DST: variants seen among roughly 807,000 people sequenced by gnomAD.
The protein encoded by DST is bullous pemphigoid antigen.
Under a neutral mutation model 875.2 loss-of-function variants are expected in DST, and 253 were observed. That is an observed-to-expected ratio of 0.29 (90% confidence interval 0.26 to 0.32). The LOEUF is 0.32. Among genes scored for constraint, DST ranks in the 10% least tolerant of loss-of-function variants. The pLI, the probability that DST is intolerant of heterozygous loss-of-function variation, is 1.00. For missense variants in DST, 8,287 were observed against 9,111.6 expected, an observed-to-expected ratio of 0.91 and a Z score of 3.68; for synonymous variants, 3,124 against 3,197.1, an observed-to-expected ratio of 0.98 and a Z score of 0.77.
At chr6:56,661,333 G>T (rs192332198) in intron 10 of DST, among the ~76,000 whole-genome samples, 10 of 152,290 alleles carry the variant, frequency 6.6e-5, no homozygotes, top group Non-Finnish European at 1.3e-4. Context: ...CTCCTGTAAT[G>T]TAAAAGAAAT....
In DST at chr6:56,597,791, C is replaced by T. The variant is rs748580142; in HGVS notation, c.12144G>A (p.Gly4048=). 1 of 1,613,920 alleles carries T rather than the reference C, an allele frequency of 6.2e-7. No homozygotes were observed. The highest frequency in any genetic ancestry group is 8.5e-7 in the Non-Finnish European group (1 of 1,179,836). Reference sequence around the variant, plus strand: ...GATTCTCCTGAGTGGTTCCAACTTGCCCATCAACATCAGTCTCCAACAGGT... The same window carrying T: ...GATTCTCCTGAGTGGTTCCAACTTGTCCATCAACATCAGTCTCCAACAGGT... ...NGNLLETDVD[G]QVGTTQENLN... The change falls in exon 47 of 104, where the codon GGG becomes GGA. Residue 4048 remains glycine (G), a synonymous_variant. Transcript: ENST00000680361.
At chr6:56,581,579 G>A (rs1274364572) in intron 49 of DST, among the ~76,000 whole-genome samples, 6 of 152,184 alleles carry the variant, frequency 3.9e-5, no homozygotes, top group Admixed American at 2.6e-4. Flanking sequence ...CCATAGATAC[G>A]TCTTCCAGAA....
rs539003969 is a variant in DST, at chr6:56,613,700, T to C, written c.5058+656A>G. On this transcript the variant is annotated intron_variant, in intron 37 of 103. Coordinates refer to ENST00000680361, the MANE Select transcript of DST (RefSeq NM_001374736.1). The stretch of plus-strand genomic sequence containing the variant: ...AAAATGTACACCCCAACTACCAACA[T>C]CCTAAGAGCTTTAAGTGGTGCAGTC... Among the ~76,000 whole-genome samples, 4 of 152,272 alleles carry C rather than the reference T, an allele frequency of 2.6e-5. No individual in the cohort carries two copies. The South Asian group carries it at 8.3e-4, about 32-fold the overall frequency.
rs758298515 is a variant in DST, at chr6:56,634,824, T to C, written c.3316A>G (p.Ile1106Val). 1.9e-6 allele frequency: 3 copies of C among 1,614,098 alleles called. No homozygotes were observed. Among genetic ancestry groups the C allele is most frequent in the Non-Finnish European group, 2.5e-6 (3 of 1,179,996 alleles). ...ACCTCAATTTGTCTGTAGTCACAGA[T>C]AGCTTTGATCGGAATAGAAGTTTTG... ...PLKTSIPIKA[I>V]CDYRQIEITI... Residue 1106 changes from isoleucine (I) to valine (V), a missense_variant, in exon 25 of 104, where the codon ATC becomes GTC. Physicochemically the swap from Ile to Val is conservative, Grantham distance 29. Transcript: ENST00000680361.
chr6:56,627,485 T>G (rs962069680), intron 33 of DST, among the ~76,000 whole-genome samples, 198 bp from the exon 34 acceptor site: 1 of 152,148 alleles, frequency 6.6e-6, no homozygotes, highest in Admixed American at 6.6e-5. Flanking sequence ...CCCATGTGGT[T>G]TTCAAAGCAG....
chr6:56,642,332 T>G, intron 16 of DST, 78 bp downstream of exon 16: 2 of 1,076,602 alleles, frequency 1.9e-6, no homozygotes, highest in Non-Finnish European at 2.9e-6. Context: ...CAACCAAACA[T>G]TATGTAAAAG....
At chr6:56,537,367 C>A (rs951002468) in intron 61 of DST, among the ~76,000 whole-genome samples, 35 of 152,296 alleles carry the variant, frequency 2.3e-4, no homozygotes, top group African/African-American at 8.4e-4. Flanking sequence ...CTAATAGGCT[C>A]TCCTAAGAAT....
At chr6:56,498,441 C>A (rs1470434461) in intron 80 of DST, among the ~76,000 whole-genome samples, 1 of 152,070 alleles carries the variant, frequency 6.6e-6, no homozygotes, top group East Asian at 1.9e-4. Context: ...AATTTGCAAC[C>A]TTCCTGGATG....
intron 82 of DST, among the ~76,000 whole-genome samples, chr6:56,496,829 C>T (rs2095926614): frequency 6.6e-6 from 1 of 152,082 alleles, no homozygotes; most frequent in African/African-American, 2.4e-5. Context: ...GAATACTATG[C>T]AGCCATAAAA....
rs757130088 is a variant in DST at position 56,605,411 on chromosome 6, G to C, written c.9217C>G (p.Leu3073Val). ...EGLVEEENRH[L>V]KLLPGKNTRD... ...GTATTTTTACCAGGCAAAAGTTTGA[G>C]ATGCCTATTTTCTTCTTCTACTAGA... Residue 3073 changes from leucine to valine, a missense_variant, in exon 40 of 104, where the codon CTC becomes GTC. Coordinates refer to ENST00000680361, the MANE Select transcript of DST (RefSeq NM_001374736.1). 4.3e-6 allele frequency: 7 copies of C among 1,612,798 alleles called. No individual in the cohort carries two copies. In the East Asian group the frequency reaches 1.6e-4, roughly 36 times the overall value.
Position 56,640,564 on chromosome 6 carries a change from T to A in DST, c.2069A>T (p.Glu690Val). 1 of 1,614,226 alleles carries A rather than the reference T, an allele frequency of 6.2e-7. No individual in the cohort carries two copies. The highest frequency in any genetic ancestry group is 8.5e-7 in the Non-Finnish European group (1 of 1,180,032). The part of the protein sequence containing the change: ...LRDEIMALRN[E>V]CSSVYSKGRI... Reference sequence around the variant, plus strand: ...TCCTTTGCTGTACACAGAAGAACATTCGTTCCTTAAGGCCATAATTTCGTC... The same window carrying A: ...TCCTTTGCTGTACACAGAAGAACATACGTTCCTTAAGGCCATAATTTCGTC... The change falls in exon 18 of 104, where the codon GAA becomes GTA. Residue 690 changes from glutamate (E) to valine (V), a missense_variant. By Grantham distance (121) the Glu-to-Val change is moderately radical. Transcript: ENST00000680361.
chr6:56,720,864 T>C (rs963711714), intron 5 of DST, among the ~76,000 whole-genome samples: 2 of 151,928 alleles, frequency 1.3e-5, no homozygotes, highest in Non-Finnish European at 2.9e-5. Flanking sequence ...AATGAGCTGT[T>C]TGGTACACCT....
intron 49 of DST, among the ~76,000 whole-genome samples, chr6:56,580,170 A>G (rs985791665): frequency 6.6e-6 from 1 of 152,186 alleles, no homozygotes; most frequent in African/African-American, 2.4e-5. Context: ...TAAAAATTCC[A>G]TTCCTTGGTT....
At position 56,780,092 on chromosome 6, in the gene DST, A is replaced by G. The variant is rs142477055; in HGVS notation, c.626-44803T>C. ...ATGGCTGCATAGTATTCCATGGTGC[A>G]TATGTGCCACATATTCTGAATCCAG... On this transcript the variant is annotated intron_variant, in intron 4 of 103. Coordinates refer to ENST00000680361, the MANE Select transcript of DST (RefSeq NM_001374736.1). Among the ~76,000 whole-genome samples the G allele has an allele frequency of 1.1e-3, 165 of 152,018 alleles. 1 individual carries two copies. Among genetic ancestry groups the G allele is most frequent in the African/African-American group, 3.8e-3 (156 of 41,370 alleles).
Position 56,865,787 on chromosome 6 carries a change from G to A in DST, c.418-14183C>T, listed in dbSNP as rs116205429. The stretch of plus-strand genomic sequence containing the variant: ...TCTTTGATGGGATCTGATGGAGTCT[G>A]AAAATCTGCTACCAAAAACTGCTGC... On this transcript the variant is annotated intron_variant, in intron 3 of 103. Coordinates refer to ENST00000680361, the MANE Select transcript of DST (RefSeq NM_001374736.1). Among the ~76,000 whole-genome samples, 644 of 152,290 alleles carry A rather than the reference G, an allele frequency of 4.2e-3. 3 individuals carry two copies. The highest frequency in any genetic ancestry group is 7.3e-3 in the Non-Finnish European group (494 of 68,020).
chr6:56,928,181 G>A (rs753258198), intron 2 of DST, among the ~76,000 whole-genome samples: 1 of 150,424 alleles, frequency 6.6e-6, no homozygotes, highest in Non-Finnish European at 1.5e-5. Context: ...AATACATAAA[G>A]CTGAGGTGAG....
intron 60 of DST, 118 bp from the exon 61 acceptor site, chr6:56,553,773 TAG>T: frequency 4.3e-6 from 4 of 923,930 alleles, no homozygotes; most frequent in Non-Finnish European, 6.4e-6. Flanking sequence ...CAAGGGCTTT[TAG>T]CATTGACTAT....
In DST at chr6:56,607,029, C is replaced by T; in HGVS notation, c.7599G>A (p.Glu2533=). 6.2e-7 allele frequency: 1 copy of T among 1,613,338 alleles called. No homozygotes were observed. The highest frequency in any genetic ancestry group is 1.3e-5 in the African/African-American group (1 of 74,990). ...GAAAACCTGGATGTGTTTTTTCATC[C>T]TCACCAGAAGTATTTGAAATGTATT... ...NDKYISNTSG[E]DEKTHPGFQQ... is the part of the protein sequence containing the mutation. The change falls in exon 40 of 104, where the codon GAG becomes GAA. Residue 2533 remains glutamate, a synonymous_variant. Transcript: ENST00000680361.
chr6:56,508,486 C>T (rs1215172954), intron 75 of DST, 43 bp downstream of exon 75: 2 of 1,489,756 alleles, frequency 1.3e-6, no homozygotes, highest in Non-Finnish European at 1.9e-6. Flanking sequence ...TTTCATTATG[C>T]CACAACTTAT....
Sources: allele counts gnomAD v4.1 joint callset (sites outside exome capture counted in the v4.1 genomes callset), GRCh38; gene constraint gnomAD v4.1.1; transcripts MANE v1.5; gene names NCBI Gene and HGNC (gene_info 2026-07-23, HGNC 2026-07-21).